LRIG1: variants seen among roughly 807,000 people sequenced by gnomAD.
LRIG1 encodes the protein leucine-rich repeats and immunoglobulin-like domains protein 1.
In LRIG1, 48 loss-of-function variants were observed where a neutral mutation model predicts 99.2. The ratio of observed to expected loss-of-function variants is 0.48; its 90% confidence interval spans 0.38 to 0.62. LRIG1 has a LOEUF of 0.62. Among genes scored for constraint, LRIG1 ranks in the 20% least tolerant of loss-of-function variants. The pLI, the probability that LRIG1 is intolerant of heterozygous loss-of-function variation, is 0.00. For missense variants in LRIG1, 1,646 were observed against 1,434.4 expected (o/e 1.15, Z -2.38); for synonymous variants, 772 against 596.1 (o/e 1.29, Z -4.30).
chr3:66,402,177 C>T (rs1363187915), intron 9 of LRIG1, among the ~76,000 whole-genome samples: 1 of 152,142 alleles, frequency 6.6e-6, no homozygotes, highest in African/African-American at 2.4e-5. Context: ...AGTCGCATAC[C>T]CAGGTCACTA....
At chr3:66,495,771 T>C (rs1701212600) in intron 1 of LRIG1, among the ~76,000 whole-genome samples, 2 of 152,232 alleles carry the variant, frequency 1.3e-5, no homozygotes, top group Admixed American at 6.5e-5. Context: ...AGGTGCATTG[T>C]TAAGTCACAC....
At chr3:66,486,865 A>G (rs963969852) in intron 1 of LRIG1, among the ~76,000 whole-genome samples, 1 of 152,192 alleles carries the variant, frequency 6.6e-6, no homozygotes. Flanking sequence ...TTCCCAATAT[A>G]TAACTCCCAG....
At chr3:66,407,096 GAAC>G (rs1299540566) in intron 8 of LRIG1, among the ~76,000 whole-genome samples, 1 of 152,116 alleles carries the variant, frequency 6.6e-6, no homozygotes, top group Non-Finnish European at 1.5e-5. Flanking sequence ...CACTGCTTGA[GAAC>G]AACTACTTTT....
At chr3:66,461,447 T>C (rs1044581337) in intron 2 of LRIG1, among the ~76,000 whole-genome samples, 1 of 152,230 alleles carries the variant, frequency 6.6e-6, no homozygotes, top group Non-Finnish European at 1.5e-5. Context: ...AATATCCACG[T>C]ATAGTAGTTT....
At chr3:66,472,649 C>T (rs1287375660) in intron 1 of LRIG1, among the ~76,000 whole-genome samples, 1 of 152,148 alleles carries the variant, frequency 6.6e-6, no homozygotes, top group Non-Finnish European at 1.5e-5. Flanking sequence ...CCTGCCTTTC[C>T]GGCAGAAGGT....
At chr3:66,451,683 A>C in intron 2 of LRIG1, 50 bp from the exon 3 acceptor site, 1 of 1,350,706 alleles carries the variant, frequency 7.4e-7, no homozygotes, top group Non-Finnish European at 1.1e-6. Context: ...AATTAGTCTG[A>C]AATCATACAC....
Position 66,458,339 on chromosome 3 carries a change from C to A in LRIG1, c.290+4099G>T, listed in dbSNP as rs77306020. On this transcript the variant is annotated intron_variant, in intron 2 of 18. Transcript: ENST00000273261. ...CTCACGCTGGTCTCAAATTCCTGGGCTCAAGTGATCCTTCTGCACCCAGCT... is the reference window on the plus strand; with the variant it reads ...CTCACGCTGGTCTCAAATTCCTGGGATCAAGTGATCCTTCTGCACCCAGCT... Among the ~76,000 whole-genome samples, 594 of 152,246 alleles carry A rather than the reference C, an allele frequency of 3.9e-3. 5 individuals carry two copies. Among genetic ancestry groups the A allele is most frequent in the African/African-American group, 0.014 (568 of 41,546 alleles).
chr3:66,414,239 TA>T (rs1260163691), intron 5 of LRIG1, among the ~76,000 whole-genome samples: 1 of 151,842 alleles, frequency 6.6e-6, no homozygotes, highest in Non-Finnish European at 1.5e-5. Flanking sequence ...CTACTAAAAA[TA>T]CAAAAAATTA....
At chr3:66,401,098 G>A (rs13091146) in intron 9 of LRIG1, among the ~76,000 whole-genome samples, 23,541 of 152,246 alleles carry the variant, frequency 0.15, 2,141 homozygotes, top group Non-Finnish European at 0.21. Context: ...AGGGGCAAAC[G>A]GGCCAGAGAC....
At chr3:66,401,864 C>T (rs1352973834) in intron 9 of LRIG1, among the ~76,000 whole-genome samples, 1 of 152,216 alleles carries the variant, frequency 6.6e-6, no homozygotes, top group Admixed American at 6.5e-5. Flanking sequence ...ACCCAGCCAA[C>T]AGCTCCAAAG....
rs367544362 is a variant in LRIG1 at position 66,382,974 on chromosome 3, G to A, written c.2491+8C>T. 1.1e-4 allele frequency: 168 copies of A among 1,594,444 alleles called. 2 individuals carry two copies. In the South Asian group the frequency reaches 1.2e-3, roughly 11 times the overall value. ...CCTTGAAAGTCAGCTCCGCTGGCAGGGCCTGACCTGTGTTGGTGACACTGT... is the reference window on the plus strand; with the variant it reads ...CCTTGAAAGTCAGCTCCGCTGGCAGAGCCTGACCTGTGTTGGTGACACTGT... On this transcript the variant is annotated splice_region_variant and intron_variant, in intron 15 of 18. Transcript: ENST00000273261.
chr3:66,382,164 T>G (rs756857796), intron 16 of LRIG1, 109 bp downstream of exon 16: 11 of 1,280,882 alleles, frequency 8.6e-6, no homozygotes, highest in Admixed American at 3.8e-5. Context: ...TTCACCAAGT[T>G]TGCCCCATCT....
At chr3:66,403,701 G>A (rs561608146) in intron 9 of LRIG1, among the ~76,000 whole-genome samples, 1 of 152,278 alleles carries the variant, frequency 6.6e-6, no homozygotes, top group African/African-American at 2.4e-5. Context: ...CACCTCACGG[G>A]CCTTCTGTAT....
intron 1 of LRIG1, among the ~76,000 whole-genome samples, chr3:66,493,841 G>C (rs1469497339): frequency 4.5e-5 from 6 of 133,850 alleles, no homozygotes; most frequent in Non-Finnish European, 9.4e-5. Flanking sequence ...AAAAAAGAGA[G>C]AGAGAGAGAA....
intron 9 of LRIG1, chr3:66,404,268 G>A: frequency 3.1e-6 from 4 of 1,289,274 alleles, no homozygotes; most frequent in Non-Finnish European, 4.0e-6. Flanking sequence ...GCTCCACTAG[G>A]GCTTTCCAAA....
At chr3:66,485,246 T>C (rs1163103729) in intron 1 of LRIG1, among the ~76,000 whole-genome samples, 1 of 152,082 alleles carries the variant, frequency 6.6e-6, no homozygotes, top group Non-Finnish European at 1.5e-5. Context: ...TCCTTTTCTT[T>C]TGAATGAAGG....
chr3:66,417,028 G>A, intron 4 of LRIG1, 101 bp downstream of exon 4: 11 of 1,476,498 alleles, frequency 7.5e-6, no homozygotes, highest in Non-Finnish European at 1.0e-5. Flanking sequence ...GTTGAGAAGG[G>A]AAGGAAGCAT....
intron 12 of LRIG1, among the ~76,000 whole-genome samples, chr3:66,392,425 C>G (rs1701656341): frequency 6.6e-6 from 1 of 152,214 alleles, no homozygotes; most frequent in Non-Finnish European, 1.5e-5. Flanking sequence ...TAGGAGGGTT[C>G]TCCCTATCCT....
intron 1 of LRIG1, among the ~76,000 whole-genome samples, 200 bp downstream of exon 1, chr3:66,499,990 C>T (rs1056624872): frequency 2.0e-5 from 3 of 152,000 alleles, no homozygotes; most frequent in South Asian, 4.2e-4. Context: ...CAGGCTCTCT[C>T]GCACGCCTAC....
Sources: allele counts gnomAD v4.1 joint callset (sites outside exome capture counted in the v4.1 genomes callset), GRCh38; gene constraint gnomAD v4.1.1; transcripts MANE v1.5; gene names NCBI Gene and HGNC (gene_info 2026-07-23, HGNC 2026-07-21).